ARHGEF4: variants seen among roughly 807,000 people sequenced by gnomAD.
The protein encoded by ARHGEF4 is APC-stimulated guanine nucleotide exchange factor 1.
Under a neutral mutation model 162.0 loss-of-function variants are expected in ARHGEF4, and 119 were observed. That is an observed-to-expected ratio of 0.73 (90% CI 0.63 to 0.86). The LOEUF (loss-of-function observed/expected upper bound fraction) is 0.86. Among genes scored for constraint, ARHGEF4 ranks in the 40% least tolerant of loss-of-function variants. ARHGEF4 has a pLI of 0.00. For missense variants in ARHGEF4, 2,488 were observed against 2,456.0 expected (o/e 1.01, Z -0.28); for synonymous variants, 1,014 against 979.9 (o/e 1.03, Z -0.65).
At chr2:130,969,559 A>T (rs1351543672) in intron 4 of ARHGEF4, among the ~76,000 whole-genome samples, 1 of 152,000 alleles carries the variant, frequency 6.6e-6, no homozygotes, top group Non-Finnish European at 1.5e-5. Flanking sequence ...AGATCGCGCC[A>T]CTGCACTCCA....
chr2:131,041,524 T>G, intron 9 of ARHGEF4, 62 bp downstream of exon 9: 1 of 1,520,316 alleles, frequency 6.6e-7, no homozygotes, highest in African/African-American at 1.4e-5. Context: ...TCAGCCAGTT[T>G]GAGCATTAGC....
intron 4 of ARHGEF4, among the ~76,000 whole-genome samples, chr2:131,012,578 TG>T (rs1644584767): frequency 1.4e-5 from 1 of 70,304 alleles, no homozygotes; most frequent in South Asian, 4.6e-4. Context: ...GTGTGTGTGT[TG>T]GGGGGTGGGG....
chr2:130,855,082 T>G (rs1681677402), intron 1 of ARHGEF4, among the ~76,000 whole-genome samples: 1 of 151,608 alleles, frequency 6.6e-6, no homozygotes, highest in African/African-American at 2.4e-5. Context: ...GTTTCACCAT[T>G]CATAGGATGG....
intron 1 of ARHGEF4, among the ~76,000 whole-genome samples, chr2:130,877,805 AT>A (rs1574144049): frequency 6.6e-6 from 1 of 152,274 alleles, no homozygotes; most frequent in East Asian, 1.9e-4. Flanking sequence ...TTTCACCACT[AT>A]CTGACATGTA....
intron 1 of ARHGEF4, among the ~76,000 whole-genome samples, chr2:130,908,643 T>TG (rs1461270313): frequency 6.6e-6 from 1 of 151,834 alleles, no homozygotes; most frequent in East Asian, 1.9e-4. Flanking sequence ...GCCATTGCAC[T>TG]CCAGCCCAGG....
chr2:131,038,819 C>T (rs985323867), intron 5 of ARHGEF4, 34 bp from the exon 6 acceptor site: 2 of 1,576,628 alleles, frequency 1.3e-6, no homozygotes, highest in South Asian at 1.2e-5. Context: ...GCAGCCTCCC[C>T]CACTGACCCG....
intron 4 of ARHGEF4, among the ~76,000 whole-genome samples, chr2:131,026,062 G>C (rs1573646919): frequency 6.6e-6 from 1 of 152,120 alleles, no homozygotes; most frequent in Non-Finnish European, 1.5e-5. Flanking sequence ...CAAGAAGAGA[G>C]TCCAGATGCA....
rs1243051500 is a variant in ARHGEF4, at chr2:130,916,050, G to A, written c.2104G>A (p.Gly702Arg). ...AGCCCCCATACAGGGAGCTGGCGAT[G>A]GGGCTCTTCAGCGGGTGGCCCAGGC... ...PAAPIQGAGD[G>R]ALQRVAQAAE... The change falls in exon 2 of 14, where the codon GGG becomes AGG. Residue 702 changes from glycine to arginine, a missense_variant. Coordinates refer to ENST00000409359, the MANE Select transcript of ARHGEF4 (RefSeq NM_001367493.1). 5.2e-6 allele frequency: 8 copies of A among 1,550,236 alleles called. No homozygotes were observed. The East Asian group carries it at 9.8e-5, about 19-fold the overall frequency.
At chr2:130,969,461 T>C (rs1253890227) in intron 4 of ARHGEF4, among the ~76,000 whole-genome samples, 2 of 151,796 alleles carry the variant, frequency 1.3e-5, no homozygotes, top group African/African-American at 2.4e-5. Flanking sequence ...TAGCCGGGCA[T>C]GGTGGTGGGT....
Position 130,917,367 on chromosome 2 carries a change from G to A in ARHGEF4, c.3421G>A (p.Gly1141Ser). The A allele has an allele frequency of 3.2e-6, 5 of 1,550,560 alleles. No homozygotes were observed. Among genetic ancestry groups the A allele is most frequent in the Non-Finnish European group, 4.4e-6 (5 of 1,146,998 alleles). Residue 1141 changes from glycine to serine, a missense_variant, in exon 2 of 14, where the codon GGC becomes AGC. Around this residue, in one of 6 missense-constraint regions of ARHGEF4, gnomAD observed 1,642 missense variants for 1,481.5 expected, o/e 1.11. Transcript: ENST00000409359. ...GDPERPKIPK[G>S]QTSFLLSLQT... Reference sequence around the variant, plus strand: ...CCCTGAAAGACCCAAGATTCCCAAGGGCCAGACCAGTTTCCTGCTTTCTCT... The same window carrying A: ...CCCTGAAAGACCCAAGATTCCCAAGAGCCAGACCAGTTTCCTGCTTTCTCT...
chr2:131,023,597 G>A (rs1689285883), intron 4 of ARHGEF4, among the ~76,000 whole-genome samples: 1 of 152,154 alleles, frequency 6.6e-6, no homozygotes, highest in Non-Finnish European at 1.5e-5. Flanking sequence ...ATATAAAATA[G>A]TGACAATACC....
intron 10 of ARHGEF4, among the ~76,000 whole-genome samples, chr2:131,042,590 G>T (rs549733522): frequency 6.6e-6 from 1 of 152,194 alleles, no homozygotes; most frequent in Non-Finnish European, 1.5e-5. Context: ...ATCAGCCACA[G>T]AACATTATGA....
At chr2:130,945,641 C>A (rs1314622687) in intron 3 of ARHGEF4, among the ~76,000 whole-genome samples, 1 of 152,142 alleles carries the variant, frequency 6.6e-6, no homozygotes, top group Non-Finnish European at 1.5e-5. Flanking sequence ...ACCACAGGAA[C>A]AACAAAACAA....
At chr2:130,961,616 T>C (rs1232009775) in intron 4 of ARHGEF4, among the ~76,000 whole-genome samples, 1 of 152,062 alleles carries the variant, frequency 6.6e-6, no homozygotes, top group African/African-American at 2.4e-5. Flanking sequence ...CAAGATGTGA[T>C]TTATGTGTAT....
intron 1 of ARHGEF4, among the ~76,000 whole-genome samples, chr2:130,893,949 T>C (rs1397830952): frequency 6.6e-6 from 1 of 152,198 alleles, no homozygotes; most frequent in Admixed American, 6.5e-5. Flanking sequence ...GTTGAGATTG[T>C]CCTATTATGC....
intron 4 of ARHGEF4, among the ~76,000 whole-genome samples, chr2:130,983,281 A>G (rs545433671): frequency 1.6e-3 from 242 of 152,346 alleles, no homozygotes; most frequent in Non-Finnish European, 2.5e-3. Context: ...GTTCACTGAA[A>G]TAAGAACCTT....
At chr2:130,946,724 T>G in intron 4 of ARHGEF4, 89 bp downstream of exon 4, 1 of 1,571,172 alleles carries the variant, frequency 6.4e-7, no homozygotes, top group East Asian at 2.3e-5. Flanking sequence ...TGTATCCACT[T>G]GCCTGGTAGA....
intron 3 of ARHGEF4, among the ~76,000 whole-genome samples, chr2:130,940,953 T>C (rs546871048): frequency 2.0e-4 from 31 of 152,064 alleles, no homozygotes; most frequent in African/African-American, 7.0e-4. Context: ...GAAAACAGTA[T>C]TCGAGGAACT....
intron 4 of ARHGEF4, among the ~76,000 whole-genome samples, chr2:130,985,786 TTTGTG>T (rs1162723277): frequency 2.0e-5 from 3 of 151,730 alleles, no homozygotes; most frequent in African/African-American, 4.9e-5. Flanking sequence ...TGATATGTGT[TTTGTG>T]TTGTGTGTGC....
Sources: allele counts gnomAD v4.1 joint callset (sites outside exome capture counted in the v4.1 genomes callset), GRCh38; gene constraint gnomAD v4.1.1; regional missense constraint gnomAD v4.1.1; transcripts MANE v1.5; gene names NCBI Gene and HGNC (gene_info 2026-07-23, HGNC 2026-07-21).